CNTN4: variants seen among roughly 807,000 people sequenced by gnomAD.
CNTN4 encodes the protein contactin 4.
CNTN4 carries 77 observed loss-of-function variants against 122.5 expected under a neutral mutation model. The observed-to-expected ratio is 0.63, with a 90% CI of 0.52 to 0.76. CNTN4 has a LOEUF of 0.76. CNTN4 is among the 30% of genes least tolerant of loss of function. CNTN4 has a pLI of 0.00. For missense variants in CNTN4, 1,256 were observed against 1,259.1 expected, an observed-to-expected ratio of 1.00 and a Z score of 0.04; for synonymous variants, 512 against 447.0, an observed-to-expected ratio of 1.15 and a Z score of -1.83.
At chr3:2,329,231 C>A (rs537047822) in intron 2 of CNTN4, among the ~76,000 whole-genome samples, 2 of 152,256 alleles carry the variant, frequency 1.3e-5, no homozygotes, top group East Asian at 3.9e-4. Flanking sequence ...ACTATGATTT[C>A]TCCTATATGT....
chr3:2,826,919 C>T (rs1273560841), intron 7 of CNTN4, among the ~76,000 whole-genome samples: 2 of 152,184 alleles, frequency 1.3e-5, no homozygotes, highest in East Asian at 3.9e-4. Context: ...TCAGCTGCCT[C>T]CTTAGTCCAG....
In CNTN4 at chr3:2,865,206, A is replaced by G. The variant is rs528259154; in HGVS notation, c.455-1546A>G. On this transcript the variant is annotated intron_variant, in intron 7 of 24. Coordinates refer to ENST00000418658, the MANE Select transcript of CNTN4 (RefSeq NM_175607.3). ...AATGATTAGCCATTCTCATATAAACATAATTATATCTTTCTAAAATAATAC... is the reference window on the plus strand; with the variant it reads ...AATGATTAGCCATTCTCATATAAACGTAATTATATCTTTCTAAAATAATAC... 1.4e-3 allele frequency among the ~76,000 whole-genome samples: 208 copies of G among 152,352 alleles called. 1 individual carries two copies. Among genetic ancestry groups the G allele is most frequent in the African/African-American group, 4.8e-3 (199 of 41,576 alleles).
chr3:2,970,895 C>T (rs1226599519), intron 13 of CNTN4, among the ~76,000 whole-genome samples: 1 of 152,160 alleles, frequency 6.6e-6, no homozygotes, highest in Admixed American at 6.5e-5. Context: ...TCAAGTGATT[C>T]TCCTGACTCA....
chr3:2,296,646 G>A (rs900030471), intron 2 of CNTN4, among the ~76,000 whole-genome samples: 2 of 151,988 alleles, frequency 1.3e-5, no homozygotes, highest in Admixed American at 6.6e-5. Flanking sequence ...ACAAAGTTTA[G>A]GCAAATACAA....
At chr3:2,934,134 C>CAG (rs560103688) in intron 13 of CNTN4, among the ~76,000 whole-genome samples, 9 of 152,212 alleles carry the variant, frequency 5.9e-5, no homozygotes, top group African/African-American at 2.2e-4. Flanking sequence ...TTACCTTGGG[C>CAG]AGAGTACTTT....
At chr3:2,336,830 TAA>T (rs1187222100) in intron 2 of CNTN4, among the ~76,000 whole-genome samples, 3 of 152,158 alleles carry the variant, frequency 2.0e-5, no homozygotes, top group Non-Finnish European at 4.4e-5. Context: ...TGGTTTTCTC[TAA>T]AGTCTTATTT....
At chr3:2,885,507 C>A (rs1260566567) in intron 9 of CNTN4, among the ~76,000 whole-genome samples, 1 of 152,170 alleles carries the variant, frequency 6.6e-6, no homozygotes. Flanking sequence ...CTTGAGTGAA[C>A]CCTTCCTGTA....
intron 23 of CNTN4, among the ~76,000 whole-genome samples, chr3:3,048,294 C>A (rs191414430): frequency 6.6e-6 from 1 of 152,124 alleles, no homozygotes; most frequent in East Asian, 1.9e-4. Context: ...TACAGTATAA[C>A]AACTATTTAC....
chr3:2,495,131 G>A (rs559086635), intron 3 of CNTN4, among the ~76,000 whole-genome samples: 7 of 152,216 alleles, frequency 4.6e-5, no homozygotes, highest in East Asian at 3.9e-4. Flanking sequence ...TTGAAATGCC[G>A]CCTTCAACAT....
intron 3 of CNTN4, among the ~76,000 whole-genome samples, chr3:2,442,879 C>T (rs1398716928): frequency 1.3e-5 from 2 of 152,074 alleles, no homozygotes; most frequent in African/African-American, 2.4e-5. Context: ...TGGATATCTG[C>T]ACTTTGTCTC....
At chr3:2,996,992 C>T (rs1426805251) in intron 14 of CNTN4, among the ~76,000 whole-genome samples, 1 of 152,158 alleles carries the variant, frequency 6.6e-6, no homozygotes, top group African/African-American at 2.4e-5. Context: ...TAAAGTACAT[C>T]TGTCATCTTC....
intron 4 of CNTN4, among the ~76,000 whole-genome samples, chr3:2,624,054 A>G (rs894585999): frequency 2.0e-5 from 3 of 152,234 alleles, no homozygotes; most frequent in Non-Finnish European, 2.9e-5. Flanking sequence ...TATATCTCAA[A>G]ATATTGTTTA....
chr3:2,705,686 T>A (rs2086650623), intron 4 of CNTN4, among the ~76,000 whole-genome samples: 1 of 94,438 alleles, frequency 1.1e-5, no homozygotes, highest in Admixed American at 1.8e-4. Flanking sequence ...GTATATTATA[T>A]ATAAATAAAT....
intron 4 of CNTN4, among the ~76,000 whole-genome samples, chr3:2,650,471 G>C (rs952186337): frequency 2.0e-5 from 3 of 152,338 alleles, no homozygotes; most frequent in African/African-American, 4.8e-5. Flanking sequence ...CAGTGGTGGA[G>C]TTTGAGAGGA....
intron 3 of CNTN4, among the ~76,000 whole-genome samples, chr3:2,549,214 C>G (rs2078377717): frequency 6.6e-6 from 1 of 152,166 alleles, no homozygotes; most frequent in African/African-American, 2.4e-5. Flanking sequence ...CCTGATTGCC[C>G]TGGCCAGAAC....
chr3:2,371,226 T>G lies in CNTN4; in HGVS notation c.-89+31993T>G, dbSNP rs560016985. 3.3e-5 allele frequency among the ~76,000 whole-genome samples: 5 copies of G among 152,342 alleles called. No homozygotes were observed. In the South Asian group the frequency reaches 1.0e-3, roughly 32 times the overall value. On this transcript the variant is annotated intron_variant, in intron 3 of 24. Coordinates refer to ENST00000418658, the MANE Select transcript of CNTN4 (RefSeq NM_175607.3). ...ATATCCCCTGAGGTTAGGTTCCCAC[T>G]GCACTTGGAGTAAAGACTAGCATTC...
At chr3:2,412,905 A>T (rs1468934307) in intron 3 of CNTN4, among the ~76,000 whole-genome samples, 1 of 152,234 alleles carries the variant, frequency 6.6e-6, no homozygotes, top group East Asian at 1.9e-4. Flanking sequence ...ATAAAAAAGG[A>T]TATTAGAACC....
intron 4 of CNTN4, among the ~76,000 whole-genome samples, chr3:2,634,925 AG>A (rs553110468): frequency 6.3e-4 from 96 of 152,248 alleles, no homozygotes; most frequent in Non-Finnish European, 1.1e-3. Context: ...TCTAAAAAAA[AG>A]AAATCCAGTA....
rs1363313181 is a variant in CNTN4 at position 2,534,667 on chromosome 3, G to T, written c.-88-36749G>T. On this transcript the variant is annotated intron_variant, in intron 3 of 24. Transcript: ENST00000418658. ...TGAGGGCTGTGACTTCAGAGCCTTG[G>T]CCCTGTTTCATCTTTTTATGTGGAT... is the stretch of plus-strand genomic sequence containing the variant. Among the ~76,000 whole-genome samples, 6 of 151,780 alleles carry T rather than the reference G, an allele frequency of 4.0e-5. 1 individual carries two copies. Among genetic ancestry groups the T allele is most frequent in the South Asian group, 4.2e-4 (2 of 4,806 alleles).
Sources: gnomAD v4.1 joint callset for allele counts (sites outside exome capture counted in the v4.1 genomes callset) on GRCh38, gnomAD v4.1.1 for gene constraint, MANE v1.5 for transcripts, NCBI Gene and HGNC (gene_info 2026-07-23, HGNC 2026-07-21) for gene names.